NTM: variants seen among roughly 807,000 people sequenced by gnomAD.
NTM encodes IgLON family member 2.
NTM carries 13 observed loss-of-function variants against 42.1 expected under a neutral mutation model. The ratio of observed to expected loss-of-function variants is 0.31; its 90% CI spans 0.20 to 0.49. NTM has a LOEUF of 0.49. Ranked by LOEUF, NTM falls within the 20% of genes least tolerant of loss-of-function variation. The pLI, the probability that NTM is intolerant of heterozygous loss-of-function variation, is 0.99. For missense variants in NTM, 373 were observed against 452.8 expected, an observed-to-expected ratio of 0.82 and a Z score of 1.60; for synonymous variants, 187 against 179.2, an observed-to-expected ratio of 1.04 and a Z score of -0.35.
At chr11:131,581,392 T>A (rs2058398342) in intron 1 of NTM, among the ~76,000 whole-genome samples, 1 of 152,042 alleles carries the variant, frequency 6.6e-6, no homozygotes, top group Non-Finnish European at 1.5e-5. Context: ...TCTAACAGAG[T>A]CAGATGACGA....
chr11:131,794,228 C>A (rs2091293411), intron 1 of NTM, among the ~76,000 whole-genome samples: 1 of 152,104 alleles, frequency 6.6e-6, no homozygotes, highest in African/African-American at 2.4e-5. Flanking sequence ...GAGGGTAGAT[C>A]ATCTCTGCAC....
chr11:131,732,215 A>G (rs1238159533), intron 1 of NTM, among the ~76,000 whole-genome samples: 2 of 152,126 alleles, frequency 1.3e-5, no homozygotes, highest in Non-Finnish European at 2.9e-5. Context: ...TACTAACCCA[A>G]TTTGTTATTT....
chr11:131,683,292 G>A (rs564526062), intron 1 of NTM, among the ~76,000 whole-genome samples: 106 of 152,332 alleles, frequency 7.0e-4, no homozygotes, highest in Non-Finnish European at 1.3e-3. Context: ...GGTGAGAAAG[G>A]GACTGGGGAT....
At chr11:131,859,291 T>G (rs2046392384) in intron 1 of NTM, among the ~76,000 whole-genome samples, 1 of 152,286 alleles carries the variant, frequency 6.6e-6, no homozygotes, top group African/African-American at 2.4e-5. Context: ...AATAAAACTT[T>G]TGAAAATTAA....
intron 1 of NTM, among the ~76,000 whole-genome samples, chr11:131,823,155 T>A (rs1323636654): frequency 6.6e-6 from 1 of 152,204 alleles, no homozygotes; most frequent in African/African-American, 2.4e-5. Flanking sequence ...GGAGGGGAGA[T>A]ACACTGCTGG....
intron 1 of NTM, among the ~76,000 whole-genome samples, chr11:131,529,964 T>C (rs904141962): frequency 1.3e-5 from 2 of 152,132 alleles, no homozygotes; most frequent in African/African-American, 4.8e-5. Flanking sequence ...AGAGTTTGTT[T>C]GAGGAGTGTA....
intron 1 of NTM, among the ~76,000 whole-genome samples, chr11:131,514,568 T>G (rs2048654483): frequency 6.6e-6 from 1 of 152,126 alleles, no homozygotes; most frequent in African/African-American, 2.4e-5. Flanking sequence ...ATTTGTTTTG[T>G]GATTTATTTA....
intron 1 of NTM, among the ~76,000 whole-genome samples, chr11:131,784,300 C>T (rs185063354): frequency 6.1e-4 from 93 of 152,100 alleles, no homozygotes; most frequent in African/African-American, 1.8e-3. Context: ...TATAAGAAAA[C>T]GTTCATAGCA....
intron 1 of NTM, among the ~76,000 whole-genome samples, chr11:131,571,698 C>T (rs1000241383): frequency 7.2e-5 from 11 of 152,174 alleles, no homozygotes; most frequent in South Asian, 2.1e-4. Flanking sequence ...TTAAAGAGCA[C>T]GGTGTAAAAA....
At chr11:132,317,086 G>A (rs959273104) in intron 7 of NTM, among the ~76,000 whole-genome samples, 11 of 152,034 alleles carry the variant, frequency 7.2e-5, no homozygotes, top group Admixed American at 2.6e-4. Context: ...GACCATAGTC[G>A]GCGGTCTGGG....
intron 1 of NTM, among the ~76,000 whole-genome samples, chr11:131,567,080 C>G (rs910362811): frequency 1.3e-5 from 2 of 151,890 alleles, no homozygotes; most frequent in Non-Finnish European, 2.9e-5. Context: ...GAGATGGGCA[C>G]GTTTGGAAGC....
At chr11:131,739,953 C>A (rs573679311) in intron 1 of NTM, among the ~76,000 whole-genome samples, 1 of 152,278 alleles carries the variant, frequency 6.6e-6, no homozygotes, top group East Asian at 1.9e-4. Flanking sequence ...TCTCTTACAC[C>A]CAGGAGTGTG....
intron 2 of NTM, among the ~76,000 whole-genome samples, chr11:132,144,673 A>T (rs1255331602): frequency 6.6e-6 from 1 of 152,180 alleles, no homozygotes; most frequent in Non-Finnish European, 1.5e-5. Context: ...TGTGATTCTA[A>T]TATAAGTAGT....
chr11:131,752,636 A>G (rs531402787), intron 1 of NTM, among the ~76,000 whole-genome samples: 2 of 152,268 alleles, frequency 1.3e-5, no homozygotes, highest in African/African-American at 4.8e-5. Flanking sequence ...CTTGGAACCA[A>G]CCCAAATGTC....
At chr11:132,179,515 G>A (rs1322996209) in intron 3 of NTM, among the ~76,000 whole-genome samples, 3 of 152,134 alleles carry the variant, frequency 2.0e-5, no homozygotes, top group Non-Finnish European at 2.9e-5. Flanking sequence ...GGGCAGTCCG[G>A]AAGGGCCTTG....
chr11:132,232,478 T>A (rs2087814595), intron 4 of NTM, among the ~76,000 whole-genome samples: 1 of 152,182 alleles, frequency 6.6e-6, no homozygotes, highest in Non-Finnish European at 1.5e-5. Context: ...TTTAACCTGA[T>A]GTCCCAGCTC....
At chr11:132,315,713 T>C (rs1331226553) in intron 7 of NTM, among the ~76,000 whole-genome samples, 1 of 152,166 alleles carries the variant, frequency 6.6e-6, no homozygotes, top group African/African-American at 2.4e-5. Context: ...ATCACGAGCC[T>C]GCACTGCTTC....
intron 2 of NTM, among the ~76,000 whole-genome samples, chr11:132,125,532 A>T (rs2065587395): frequency 2.9e-5 from 1 of 34,200 alleles, no homozygotes; most frequent in Admixed American, 2.8e-4. Flanking sequence ...TGTGGTGTGT[A>T]GTGTGTGCTA....
chr11:131,901,029 G>C (rs1376827550), intron 1 of NTM, among the ~76,000 whole-genome samples: 2 of 152,200 alleles, frequency 1.3e-5, no homozygotes, highest in Non-Finnish European at 2.9e-5. Flanking sequence ...CTGATTCCAA[G>C]ATTACTTTCC....
Sources: gnomAD v4.1 joint callset for allele counts (sites outside exome capture counted in the v4.1 genomes callset) on GRCh38, gnomAD v4.1.1 for gene constraint, MANE v1.5 for transcripts, NCBI Gene and HGNC (gene_info 2026-07-23, HGNC 2026-07-21) for gene names.